LAIR1: variants seen among roughly 807,000 people sequenced by gnomAD.
The protein encoded by LAIR1 is leukocyte associated immunoglobulin like receptor 1.
LAIR1 carries 24 observed loss-of-function variants against 32.8 expected under a neutral mutation model. The observed-to-expected ratio is 0.73, with a 90% CI of 0.53 to 1.03. LAIR1 has a LOEUF of 1.03. Ranked by LOEUF, LAIR1 falls within the 50% of genes least tolerant of loss-of-function variation. The pLI is 0.00. For synonymous variants in LAIR1, 150 were observed against 140.5 expected (o/e 1.07, Z -0.48); for missense variants, 355 against 347.5 (o/e 1.02, Z -0.17).
At chr19:54,357,066 C>T (rs1601277668) in intron 4 of LAIR1, 100 bp from the exon 5 acceptor site, 4 of 1,130,630 alleles carry the variant, frequency 3.5e-6, no homozygotes, top group African/African-American at 3.1e-5. Context: ...TCCCTTCACT[C>T]CCCAGGACCC....
upstream of LAIR1, chr19:54,368,815 GTA>G (rs2082332985): frequency 1.3e-5 from 2 of 151,982 alleles, no homozygotes; most frequent in Admixed American, 6.6e-5. Context: ...GGCCTCCTGA[GTA>G]GCTGGGATTA....
chr19:54,369,901 C>T (rs571056803), upstream of LAIR1, among the ~76,000 whole-genome samples: 5 of 150,512 alleles, frequency 3.3e-5, no homozygotes, highest in African/African-American at 1.3e-4. Context: ...GAGATGTGGT[C>T]GCCGTAATGA....
At chr19:54,361,384 A>C in intron 2 of LAIR1, 175 bp from the exon 3 acceptor site, 2 of 707,540 alleles carry the variant, frequency 2.8e-6, no homozygotes, top group Middle Eastern at 4.1e-4. Flanking sequence ...CGTGCATGTG[A>C]TTCTCATCAC....
chr19:54,361,984 G>T (rs951784559), intron 2 of LAIR1, among the ~76,000 whole-genome samples: 1 of 151,406 alleles, frequency 6.6e-6, no homozygotes, highest in African/African-American at 2.4e-5. Flanking sequence ...TCCCTGAGCG[G>T]GGCAGAGAGC....
intron 2 of LAIR1, among the ~76,000 whole-genome samples, chr19:54,361,625 T>C (rs2363055): frequency 0.27 from 31,833 of 117,300 alleles, 4,953 homozygotes; most frequent in Non-Finnish European, 0.36. Context: ...GGAGATGGCT[T>C]GTGCTGGGGC....
Position 54,356,491 on chromosome 19 carries a change from C to T in LAIR1, c.583G>A (p.Gly195Arg), listed in dbSNP as rs2081715448. 4 of 1,613,736 alleles carry T rather than the reference C, an allele frequency of 2.5e-6. No homozygotes were observed. Among genetic ancestry groups the T allele is most frequent in the South Asian group, 2.2e-5 (2 of 91,058 alleles). Residue 195 changes from glycine to arginine, a missense_variant and splice_region_variant, in exon 6 of 10, where the codon GGG becomes AGG. Coordinates refer to ENST00000391742, the MANE Select transcript of LAIR1 (RefSeq NM_002287.6). ...ACCCCACCCTGCCCCTGAGACCTAC[C>T]CTGCTTTATCTGATTCTGGCGATGG... is the stretch of plus-strand genomic sequence containing the variant. ...CLHRQNQIKQ[G>R]PPRSKDEEQK... is the part of the protein sequence containing the mutation.
At chr19:54,372,115 A>T (rs1350123438), upstream of LAIR1, among the ~76,000 whole-genome samples, 2 of 151,674 alleles carry the variant, frequency 1.3e-5, no homozygotes, top group Non-Finnish European at 2.9e-5. Flanking sequence ...ATATGACCGT[A>T]TGTTTTCAGC....
At chr19:54,375,801 G>A in the LAIR1 span, among the ~76,000 whole-genome samples, 5 of 151,834 alleles carry the variant, frequency 3.3e-5, no homozygotes, top group Non-Finnish European at 5.9e-5. Context: ...AGCCACACAA[G>A]TCAACGGACC....
chr19:54,373,224 C>T (rs1272029175), upstream of LAIR1, among the ~76,000 whole-genome samples: 6 of 151,022 alleles, frequency 4.0e-5, no homozygotes, highest in East Asian at 3.9e-4. Context: ...GGGCAGATCA[C>T]GAGGTCAGGT....
At chr19:54,373,433 G>A (rs1404152189), upstream of LAIR1, among the ~76,000 whole-genome samples, 8 of 151,978 alleles carry the variant, frequency 5.3e-5, no homozygotes, top group South Asian at 1.5e-3. Context: ...GACAGAGCGA[G>A]ACTCCGTCTC....
chr19:54,375,926 G>T, the LAIR1 span, among the ~76,000 whole-genome samples: 1 of 151,708 alleles, frequency 6.6e-6, no homozygotes, highest in Non-Finnish European at 1.5e-5. Context: ...ACAATGGAAG[G>T]CTCACTTCTC....
Position 54,355,506 on chromosome 19 carries a change from G to A in LAIR1, c.718-92C>T, listed in dbSNP as rs2081653583. The A allele has an allele frequency of 8.5e-7, 1 of 1,179,352 alleles. No homozygotes were observed. The highest frequency in any genetic ancestry group is 1.5e-5 in the South Asian group (1 of 67,390). 73.1% of individuals were successfully genotyped at this position (1,179,352 alleles called of 1,614,324 possible). On this transcript the variant is annotated intron_variant, in intron 9 of 9. Coordinates refer to ENST00000391742, the MANE Select transcript of LAIR1 (RefSeq NM_002287.6). The surrounding 1 kb of genome is among the most constrained non-coding windows in gnomAD (Gnocchi z 4.7). Reference sequence around the variant, plus strand: ...GAGGGCTGTGGCGGCCATCTCCATGGGCCCTGAGGACCCTCTCCTAAATTG... The same window carrying A: ...GAGGGCTGTGGCGGCCATCTCCATGAGCCCTGAGGACCCTCTCCTAAATTG...
At chr19:54,362,621 A>G (rs1312090193) in intron 2 of LAIR1, among the ~76,000 whole-genome samples, 2 of 152,168 alleles carry the variant, frequency 1.3e-5, no homozygotes, top group East Asian at 3.8e-4. Context: ...AGTAGCTGGG[A>G]TTACAGGTGC....
At chr19:54,358,472 C>T (rs1294667787) in intron 4 of LAIR1, 10 of 1,310,454 alleles carry the variant, frequency 7.6e-6, no homozygotes, top group Non-Finnish European at 1.0e-5. Flanking sequence ...CATTGCAAAT[C>T]ATATATTTTT....
chr19:54,362,786 T>G (rs1377950604), intron 2 of LAIR1, among the ~76,000 whole-genome samples: 1 of 152,188 alleles, frequency 6.6e-6, no homozygotes, highest in African/African-American at 2.4e-5. Context: ...GCACCCAGCC[T>G]CATTGGTCAT....
upstream of LAIR1, chr19:54,365,024 G>A (rs1259228191): frequency 3.6e-5 from 51 of 1,426,380 alleles, no homozygotes; most frequent in East Asian, 1.8e-4. Flanking sequence ...GAAAAATGTC[G>A]CTTACCCTAA....
upstream of LAIR1, among the ~76,000 whole-genome samples, chr19:54,365,830 G>C (rs2082234604): frequency 1.3e-5 from 2 of 150,796 alleles, no homozygotes; most frequent in South Asian, 4.2e-4. Flanking sequence ...GAACTCCCCT[G>C]ATCACTGCAG....
At chr19:54,369,795 G>A (rs142369932), upstream of LAIR1, among the ~76,000 whole-genome samples, 4 of 151,740 alleles carry the variant, frequency 2.6e-5, no homozygotes, top group African/African-American at 9.8e-5. Flanking sequence ...AAGATGCAAT[G>A]TGAAATGTCA....
At chr19:54,371,455 T>A (rs1483502920), upstream of LAIR1, among the ~76,000 whole-genome samples, 4 of 151,156 alleles carry the variant, frequency 2.6e-5, no homozygotes, top group African/African-American at 4.9e-5. Flanking sequence ...TGTGACCCCA[T>A]ACCCAGCTAA....
Sources: gnomAD v4.1 joint callset for allele counts (sites outside exome capture counted in the v4.1 genomes callset) on GRCh38, gnomAD v4.1.1 for gene constraint, Gnocchi (gnomAD v3.1) non-coding constraint, MANE v1.5 for transcripts, NCBI Gene and HGNC (gene_info 2026-07-23, HGNC 2026-07-21) for gene names.